The following DRC3 variants were observed in gnomAD, a reference collection of about 807,000 sequenced individuals.
DRC3 encodes dynein regulatory complex subunit 3, also known as leucine rich repeat containing 48.
DRC3 carries 45 observed loss-of-function variants against 57.6 expected under a neutral mutation model. The ratio of observed to expected loss-of-function variants is 0.78; its 90% CI spans 0.62 to 1.00. The LOEUF is 1.00. Among genes scored for constraint, DRC3 ranks in the 50% least tolerant of loss-of-function variants. The probability of loss-of-function intolerance (pLI) is 0.00; values close to 1 mark genes in which losing one functional copy is unlikely to be tolerated. For missense variants in DRC3, 655 were observed against 675.2 expected, an observed-to-expected ratio of 0.97 and a Z score of 0.33; for synonymous variants, 257 against 272.3, an observed-to-expected ratio of 0.94 and a Z score of 0.55.
rs374154184 is a variant in DRC3 at position 18,006,978 on chromosome 17, C to T, written c.1203-46C>T. ...CCGCCGTCTGAGAGCATCAGGGACG[C>T]GCCGGGCCTGCTCCTCCCGGGCCTT... On this transcript the variant is annotated intron_variant, in intron 11 of 13. Coordinates refer to ENST00000399187, the MANE Select transcript of DRC3 (RefSeq NM_031294.4). The T allele has an allele frequency of 1.3e-5, 21 of 1,608,782 alleles. No individual in the cohort carries two copies. The African/African-American group carries it at 1.6e-4, about 12-fold the overall frequency.
chr17:17,988,252 G>A, intron 5 of DRC3, 154 bp downstream of exon 5: 1 of 809,466 alleles, frequency 1.2e-6, no homozygotes, highest in Non-Finnish European at 1.9e-6. Context: ...CTCCATGAGG[G>A]ATTTGCTCAT....
intron 3 of DRC3, 122 bp downstream of exon 3, chr17:17,977,880 G>A: frequency 1.0e-6 from 1 of 963,938 alleles, no homozygotes; most frequent in South Asian, 1.7e-5. Flanking sequence ...TCAGCATTAG[G>A]GCCTACCTGG....
Position 17,990,422 on chromosome 17 carries a change from C to T in DRC3, c.444+2324C>T, listed in dbSNP as rs1012209023. On this transcript the variant is annotated intron_variant, in intron 5 of 13. Coordinates refer to ENST00000399187, the MANE Select transcript of DRC3 (RefSeq NM_031294.4). ...TCTCAACTTCTTCCCAGCCCTCTCC[C>T]CGCATTCTGCAGCCACCCTGGCCTT... is the stretch of plus-strand genomic sequence containing the variant. Among the ~76,000 whole-genome samples, 10 of 152,368 alleles carry T rather than the reference C, an allele frequency of 6.6e-5. No individual in the cohort carries two copies. In the East Asian group the frequency reaches 1.9e-3, roughly 29 times the overall value.
intron 12 of DRC3, chr17:18,010,835 AG>A: frequency 2.8e-6 from 1 of 363,114 alleles, no homozygotes; most frequent in South Asian, 2.2e-5. Flanking sequence ...TGCCTGGTCA[AG>A]GACATGAAGA....
intron 12 of DRC3, among the ~76,000 whole-genome samples, chr17:18,012,881 C>A (rs916670820): frequency 2.0e-5 from 3 of 152,148 alleles, no homozygotes; most frequent in African/African-American, 7.2e-5. Flanking sequence ...ACACCCTACA[C>A]AATGTGACAA....
chr17:18,004,758 TTTTTGA>T (rs1383975160), intron 10 of DRC3: 21 of 441,408 alleles, frequency 4.8e-5, no homozygotes, highest in Middle Eastern at 1.3e-3. Flanking sequence ...TGGGGAGAGG[TTTTTGA>T]TTAGACCCCT....
At chr17:18,010,966 GTTTGTT>G (rs1401108465) in intron 12 of DRC3, 1 of 243,130 alleles carries the variant, frequency 4.1e-6, no homozygotes, top group African/African-American at 2.3e-5. Context: ...TTGTTTGTTT[GTTTGTT>G]TTTGAGACGG....
rs537196967 is a variant in DRC3, at chr17:18,001,083, TTTTC to T, written c.1000-3272_1000-3269del. On this transcript the variant is annotated intron_variant, in intron 9 of 13. Transcript: ENST00000399187. ...CCTGGCTGTTTCTTTCTTTTTTTCTTTTTCTTTCTTTTTTTTTTTTAGCTAGTCA... is the reference window on the plus strand; with the variant it reads ...CCTGGCTGTTTCTTTCTTTTTTTCTTTTTCTTTTTTTTTTTTAGCTAGTCA... Among the ~76,000 whole-genome samples, 160 of 151,820 alleles carry T rather than the reference TTTTC, an allele frequency of 1.1e-3. 2 individuals are homozygous for T. The highest frequency in any genetic ancestry group is 1.5e-3 in the Non-Finnish European group (101 of 67,938).
At chr17:17,973,631 T>C (rs2042242451) in intron 1 of DRC3, 1 of 152,170 alleles carries the variant, frequency 6.6e-6, no homozygotes, top group Non-Finnish European at 1.5e-5. Context: ...TATTTATTTA[T>C]TTATTTATTT....
chr17:17,982,343 G>T (rs1053399101), intron 3 of DRC3, among the ~76,000 whole-genome samples: 6 of 151,494 alleles, frequency 4.0e-5, no homozygotes, highest in Non-Finnish European at 5.9e-5. Context: ...AGCCTCCCGA[G>T]TAGCTGGGAC....
intron 8 of DRC3, among the ~76,000 whole-genome samples, chr17:17,995,396 G>A (rs1357261571): frequency 6.6e-6 from 1 of 152,228 alleles, no homozygotes; most frequent in Non-Finnish European, 1.5e-5. Context: ...GAAATGGATT[G>A]AAATGTGTTC....
chr17:17,984,359 A>T (rs190157386), intron 4 of DRC3, among the ~76,000 whole-genome samples: 299 of 88,684 alleles, frequency 3.4e-3, no homozygotes, highest in African/African-American at 0.017. Flanking sequence ...GCACTTAACT[A>T]CATGCTAAGT....
intron 12 of DRC3, among the ~76,000 whole-genome samples, chr17:18,012,407 C>T (rs1045611650): frequency 6.6e-6 from 1 of 152,174 alleles, no homozygotes; most frequent in Non-Finnish European, 1.5e-5. Context: ...TGGCAGGGCG[C>T]AGTGGCTCAT....
At chr17:17,987,338 C>A (rs1162502552) in intron 4 of DRC3, among the ~76,000 whole-genome samples, 1 of 151,678 alleles carries the variant, frequency 6.6e-6, no homozygotes, top group Non-Finnish European at 1.5e-5. Flanking sequence ...AGGAACCTGA[C>A]CTGCCACATG....
intron 8 of DRC3, 78 bp from the exon 9 acceptor site, chr17:17,997,382 C>T: frequency 7.1e-7 from 1 of 1,407,948 alleles, no homozygotes; most frequent in Non-Finnish European, 9.9e-7. Flanking sequence ...TGCACTGTGC[C>T]AGGGTTACCA....
intron 5 of DRC3, chr17:17,988,396 T>G (rs1243244770): frequency 2.7e-6 from 1 of 376,230 alleles, no homozygotes; most frequent in East Asian, 6.2e-5. Context: ...CTGTTAGTGT[T>G]GGGCGTATGT....
chr17:18,010,393 C>T (rs139038751), intron 12 of DRC3, among the ~76,000 whole-genome samples: 110 of 152,262 alleles, frequency 7.2e-4, no homozygotes, highest in African/African-American at 2.5e-3. Context: ...CACTTTGTTG[C>T]TACCCAAAGC....
chr17:17,979,118 G>C (rs777169696), intron 3 of DRC3, among the ~76,000 whole-genome samples: 1 of 152,140 alleles, frequency 6.6e-6, no homozygotes, highest in Non-Finnish European at 1.5e-5. Context: ...GCAACAACTT[G>C]AGGTAGGCAA....
intron 12 of DRC3, among the ~76,000 whole-genome samples, chr17:18,010,461 A>G (rs925149623): frequency 6.6e-6 from 1 of 152,238 alleles, no homozygotes; most frequent in Non-Finnish European, 1.5e-5. Flanking sequence ...TCGCAGAAAT[A>G]GAAAAAAAAT....
Sources: allele counts gnomAD v4.1 joint callset (sites outside exome capture counted in the v4.1 genomes callset), GRCh38; gene constraint gnomAD v4.1.1; transcripts MANE v1.5; gene names NCBI Gene and HGNC (gene_info 2026-07-23, HGNC 2026-07-21).